Variants in DYNLRB2 observed in about 807,000 individuals in gnomAD.
DYNLRB2 encodes bithoraxoid-like protein.
Under a neutral mutation model 12.6 loss-of-function variants are expected in DYNLRB2, and 14 were observed. The observed-to-expected ratio is 1.11, with a 90% CI of 0.73 to 1.73. The LOEUF is 1.73. Ranked by LOEUF, DYNLRB2 falls within the 40% of genes most tolerant of loss-of-function variation. The pLI is 0.00. For synonymous variants in DYNLRB2, 53 were observed against 37.0 expected (o/e 1.43, Z -1.57); for missense variants, 142 against 117.7 (o/e 1.21, Z -0.95).
At chr16:80,545,198 C>A (rs192814794) in intron 2 of DYNLRB2, among the ~76,000 whole-genome samples, 216 of 152,200 alleles carry the variant, frequency 1.4e-3, no homozygotes, top group African/African-American at 4.8e-3. Context: ...CCCCTTTGAT[C>A]TATAATTTTA....
At chr16:80,541,667 G>C (rs1185013789) in intron 1 of DYNLRB2, among the ~76,000 whole-genome samples, 1 of 150,138 alleles carries the variant, frequency 6.7e-6, no homozygotes, top group Non-Finnish European at 1.5e-5. Flanking sequence ...TTGGAGATGG[G>C]GATTAAGAAA....
At chr16:80,549,212 G>A (rs1904679568) in intron 2 of DYNLRB2, 1 of 375,114 alleles carries the variant, frequency 2.7e-6, no homozygotes, top group Non-Finnish European at 5.0e-6. Flanking sequence ...TAATGTTGAT[G>A]ACATTGTCAA....
At chr16:80,549,257 A>C in intron 2 of DYNLRB2, 1 of 463,034 alleles carries the variant, frequency 2.2e-6, no homozygotes, top group African/African-American at 1.9e-5. Flanking sequence ...TTTGTGAAGA[A>C]AAAAGCAACA....
chr16:80,541,784 A>G (rs774285274), intron 1 of DYNLRB2, among the ~76,000 whole-genome samples: 3 of 152,070 alleles, frequency 2.0e-5, no homozygotes, highest in Non-Finnish European at 4.4e-5. Flanking sequence ...TAAAGGGAGA[A>G]AGATAAATAA....
intron 1 of DYNLRB2, chr16:80,541,343 G>T: frequency 1.0e-6 from 1 of 984,584 alleles, no homozygotes; most frequent in Non-Finnish European, 1.2e-6. Context: ...AGGGAAGAGA[G>T]AGATTCAGAG....
chr16:80,549,480 A>G lies in DYNLRB2; in HGVS notation c.80-4A>G. 1 of 1,578,878 alleles carries G rather than the reference A, an allele frequency of 6.3e-7. No homozygotes were observed. On this transcript the variant is annotated splice_region_variant and splice_polypyrimidine_tract_variant and intron_variant, in intron 2 of 3. Transcript: ENST00000305904. ...ATATTAACCAAAATTAAATTTCATA[A>G]TAGGTATTCCCATCCGAACAACCTT...
intron 1 of DYNLRB2, among the ~76,000 whole-genome samples, chr16:80,541,967 C>T (rs1049763370): frequency 2.0e-5 from 3 of 152,174 alleles, no homozygotes; most frequent in African/African-American, 7.2e-5. Flanking sequence ...GAGTGAATCA[C>T]ATCGTGAGAA....
intron 2 of DYNLRB2, among the ~76,000 whole-genome samples, chr16:80,547,015 G>T (rs981339204): frequency 6.6e-6 from 1 of 152,184 alleles, no homozygotes; most frequent in Non-Finnish European, 1.5e-5. Flanking sequence ...ACATATAAAT[G>T]TATAAATGTG....
chr16:80,543,132 T>G, intron 1 of DYNLRB2, 144 bp from the exon 2 acceptor site: 1 of 729,728 alleles, frequency 1.4e-6, no homozygotes, highest in Non-Finnish European at 2.2e-6. Flanking sequence ...ATTTCTAAGC[T>G]GTCTTTTAAA....
chr16:80,547,918 T>A (rs1241533624), intron 2 of DYNLRB2: 1 of 431,102 alleles, frequency 2.3e-6, no homozygotes, highest in Admixed American at 2.6e-5. Context: ...TAGCAAAACA[T>A]TCTGGACATA....
chr16:80,550,368 C>T, intron 3 of DYNLRB2, 147 bp from the exon 4 acceptor site: 1 of 823,664 alleles, frequency 1.2e-6, no homozygotes, highest in Non-Finnish European at 1.9e-6. Flanking sequence ...AAAGACTGAA[C>T]AGGTAATTCA....
chr16:80,544,731 T>C (rs930785468), intron 2 of DYNLRB2: 1 of 152,224 alleles, frequency 6.6e-6, no homozygotes, highest in African/African-American at 2.4e-5. Context: ...AATCAAGATG[T>C]CCGAAGGCTC....
chr16:80,541,500 T>G (rs1597086768), intron 1 of DYNLRB2: 2 of 591,560 alleles, frequency 3.4e-6, no homozygotes, highest in African/African-American at 4.1e-5. Flanking sequence ...AATGGAAGGG[T>G]GAGAAGGGAA....
Position 80,543,344 on chromosome 16 carries a change from T to C in DYNLRB2, c.72T>C (p.Asn24=). 1 of 1,613,968 alleles carries C rather than the reference T, an allele frequency of 6.2e-7. No homozygotes were observed. Among genetic ancestry groups the C allele is most frequent in the Non-Finnish European group, 8.5e-7 (1 of 1,179,868 alleles). Residue 24 remains asparagine (N), a synonymous_variant, in exon 2 of 4, where the codon AAT becomes AAC. Transcript: ENST00000305904. ...HKGVIGTMVV[N]AEGIPIRTTL... is the part of the protein sequence containing the mutation. ...GGGTTATTGGAACTATGGTTGTAAA[T>C]GCAGAAGGTAAATATATCACAGGCT...
chr16:80,550,693 A>C lies in DYNLRB2; in HGVS notation c.*135A>C, dbSNP rs903785997. ...TATTTCTATATCTAAACTGTTCTGC[A>C]TGTCTCATTTAGTCCCTTTTGATTA... On this transcript the variant is annotated 3_prime_UTR_variant, in exon 4 of 4. Coordinates refer to ENST00000305904, the MANE Select transcript of DYNLRB2 (RefSeq NM_130897.3). The C allele has an allele frequency of 2.7e-5, 26 of 972,930 alleles. No individual in the cohort carries two copies. In the Admixed American group the frequency reaches 5.3e-4, roughly 20 times the overall value. The allele number at this position is 972,930 out of a possible 1,614,324, so 60.3% of individuals were successfully genotyped here. A position where few individuals can be genotyped will look rare whatever the true frequency, so the allele number is the denominator to read the frequency against.
chr16:80,541,417 G>A (rs554930870), intron 1 of DYNLRB2: 317 of 984,128 alleles, frequency 3.2e-4, no homozygotes, highest in Non-Finnish European at 3.7e-4. Context: ...AGAGGGGGCG[G>A]GAGGCCGAGA....
chr16:80,541,778 G>C (rs1256337077), intron 1 of DYNLRB2, among the ~76,000 whole-genome samples: 4 of 152,050 alleles, frequency 2.6e-5, no homozygotes, highest in Non-Finnish European at 5.9e-5. Context: ...GATAAGTAAA[G>C]GGAGAAAGAT....
chr16:80,549,364 G>A, intron 2 of DYNLRB2, 120 bp from the exon 3 acceptor site: 1 of 997,246 alleles, frequency 1.0e-6, no homozygotes, highest in Non-Finnish European at 1.4e-6. Context: ...TTACCAGAGA[G>A]GGATAAGCCA....
Position 80,549,527 on chromosome 16 carries a change from A to G in DYNLRB2, c.123A>G (p.Gln41=). The part of the protein sequence containing the change: ...RTTLDNSTTV[Q]YAGLLHHLTM... ...CCTTGGACAACTCAACAACTGTTCA[A>G]TATGCAGGCCTTCTTCATCACCTGA... The change falls in exon 3 of 4, where the codon CAA becomes CAG. Residue 41 remains glutamine, a synonymous_variant. Coordinates refer to ENST00000305904, the MANE Select transcript of DYNLRB2 (RefSeq NM_130897.3). The G allele has an allele frequency of 6.2e-7, 1 of 1,613,236 alleles. No individual in the cohort carries two copies. The highest frequency in any genetic ancestry group is 2.2e-5 in the East Asian group (1 of 44,854).
Sources: allele counts gnomAD v4.1 joint callset (sites outside exome capture counted in the v4.1 genomes callset), GRCh38; gene constraint gnomAD v4.1.1; transcripts MANE v1.5; gene names NCBI Gene and HGNC (gene_info 2026-07-23, HGNC 2026-07-21).